SNX24: variants seen among roughly 807,000 people sequenced by gnomAD.
SNX24 encodes sorting nexin 24.
Under a neutral mutation model 28.7 loss-of-function variants are expected in SNX24, and 22 were observed. That is an observed-to-expected ratio of 0.77 (90% confidence interval 0.55 to 1.10). The LOEUF (loss-of-function observed/expected upper bound fraction) is 1.10, where lower values mean the gene tolerates loss of function less well. Ranked by LOEUF, SNX24 falls within the 50% of genes least tolerant of loss-of-function variation. The pLI is 0.00. For synonymous variants in SNX24, 69 were observed against 71.5 expected (o/e 0.96, Z 0.18); for missense variants, 221 against 201.1 (o/e 1.10, Z -0.60).
intron 3 of SNX24, among the ~76,000 whole-genome samples, chr5:122,973,922 A>C (rs1761058863): frequency 6.6e-6 from 1 of 152,182 alleles, no homozygotes. Flanking sequence ...CTGACACCTC[A>C]AGCACCATTG....
intron 3 of SNX24, among the ~76,000 whole-genome samples, chr5:122,947,033 A>T (rs1272077716): frequency 6.6e-6 from 1 of 152,186 alleles, no homozygotes; most frequent in Non-Finnish European, 1.5e-5. Flanking sequence ...GAAGCGACAC[A>T]TGAGAATGAT....
At chr5:122,951,283 GA>G (rs1286998894) in intron 3 of SNX24, among the ~76,000 whole-genome samples, 2 of 133,522 alleles carry the variant, frequency 1.5e-5, no homozygotes, top group African/African-American at 5.6e-5. Flanking sequence ...AAAAAAAAAA[GA>G]AAAAGAAAAG....
intron 1 of SNX24, among the ~76,000 whole-genome samples, chr5:122,880,565 T>C (rs1204459342): frequency 6.6e-6 from 1 of 152,202 alleles, no homozygotes; most frequent in East Asian, 1.9e-4. Context: ...GCAAAGTTGA[T>C]TGTTGCCTAT....
At chr5:122,965,158 A>G (rs1269701043) in intron 3 of SNX24, among the ~76,000 whole-genome samples, 6 of 152,228 alleles carry the variant, frequency 3.9e-5, no homozygotes, top group Non-Finnish European at 7.3e-5. Flanking sequence ...ATTCTTTCCA[A>G]TTACTTAGTT....
chr5:122,846,713 CAG>C (rs1308987655), intron 1 of SNX24, among the ~76,000 whole-genome samples: 2 of 152,102 alleles, frequency 1.3e-5, no homozygotes, highest in Non-Finnish European at 2.9e-5. Context: ...GAATGAAAAA[CAG>C]TGATTGAAAA....
Position 123,015,517 on chromosome 5 carries a change from C to T in SNX24, n.383+13513C>T, listed in dbSNP as rs143136614. Among the ~76,000 whole-genome samples the T allele has an allele frequency of 7.2e-4, 109 of 152,266 alleles. 1 individual carries two copies. The highest frequency in any genetic ancestry group is 2.4e-3 in the African/African-American group (101 of 41,528). On this transcript the variant is annotated intron_variant and non_coding_transcript_variant, in intron 5 of 5. Transcript: ENST00000502387. Reference sequence around the variant, plus strand: ...ATTCAGTGTTTATAAACCATAGCTTCGTGACACCCCAGGACAGTGGTTTTC... The same window carrying T: ...ATTCAGTGTTTATAAACCATAGCTTTGTGACACCCCAGGACAGTGGTTTTC...
intron 1 of SNX24, among the ~76,000 whole-genome samples, chr5:122,933,571 A>G (rs975117669): frequency 1.3e-5 from 2 of 151,820 alleles, no homozygotes; most frequent in Admixed American, 1.3e-4. Context: ...ACTTTCCTTC[A>G]TTTCCCGATG....
rs531583386 is a variant in SNX24 at position 122,963,134 on chromosome 5, T to C, written c.249+16975T>C. Among the ~76,000 whole-genome samples, 71 of 152,296 alleles carry C rather than the reference T, an allele frequency of 4.7e-4. No homozygotes were observed. The South Asian group carries it at 0.012, about 25-fold the overall frequency. ...CTGTAGTCCCAGCTACTCAGGAGGC[T>C]GAGGCAGGAGAATCGCTTGAACCTG... On this transcript the variant is annotated intron_variant, in intron 3 of 6. Transcript: ENST00000261369.
intron 1 of SNX24, among the ~76,000 whole-genome samples, chr5:122,855,404 T>G (rs531910945): frequency 3.9e-5 from 6 of 152,212 alleles, no homozygotes; most frequent in Non-Finnish European, 8.8e-5. Flanking sequence ...AAGTTTGCCC[T>G]ATCAGTTGAC....
At chr5:122,955,730 C>T (rs1760177116) in intron 3 of SNX24, among the ~76,000 whole-genome samples, 1 of 152,140 alleles carries the variant, frequency 6.6e-6, no homozygotes, top group African/African-American at 2.4e-5. Context: ...AGGAGTACCT[C>T]GTTACTGCCA....
chr5:122,958,861 A>G (rs1760337300), intron 3 of SNX24, among the ~76,000 whole-genome samples: 2 of 152,036 alleles, frequency 1.3e-5, no homozygotes, highest in Admixed American at 6.6e-5. Context: ...CACCTGGCCA[A>G]TATAGTCTTT....
At chr5:123,023,862 T>C (rs367741833) in intron 5 of SNX24, 10 of 1,606,846 alleles carry the variant, frequency 6.2e-6, no homozygotes, top group Non-Finnish European at 8.5e-6. Context: ...ATCCTTGTTT[T>C]CTGCCAGTTG....
At chr5:122,967,166 C>T (rs547154752) in intron 3 of SNX24, among the ~76,000 whole-genome samples, 59 of 152,266 alleles carry the variant, frequency 3.9e-4, no homozygotes, top group African/African-American at 1.4e-3. Flanking sequence ...ATAAAATAAA[C>T]GTCTTTTAAG....
At chr5:122,903,099 G>C (rs560196182) in intron 1 of SNX24, among the ~76,000 whole-genome samples, 31 of 151,878 alleles carry the variant, frequency 2.0e-4, no homozygotes, top group African/African-American at 7.0e-4. Context: ...ACTCTCCTTT[G>C]TACGTTTTTT....
chr5:122,864,553 A>G (rs1755634389), intron 1 of SNX24, among the ~76,000 whole-genome samples: 1 of 152,198 alleles, frequency 6.6e-6, no homozygotes, highest in Admixed American at 6.5e-5. Context: ...TTTAAGGACA[A>G]TTTAGTGGGT....
At chr5:123,025,718 T>C (rs1354940870) in intron 5 of SNX24, 1 of 1,494,478 alleles carries the variant, frequency 6.7e-7, no homozygotes, top group Non-Finnish European at 9.2e-7. Context: ...AAGATTAAAA[T>C]AAATCACTGA....
rs369361766 is a variant in SNX24, at chr5:122,973,798, C to G, written c.250-26114C>G. Among the ~76,000 whole-genome samples, 84 of 152,326 alleles carry G rather than the reference C, an allele frequency of 5.5e-4. No individual in the cohort carries two copies. The Middle Eastern group carries it at 0.017, about 31-fold the overall frequency. ...AGCCAAGTAACAGGCCAAGAGCTGT[C>G]TCTCAAAAGGAGAGTAGTTATCTGC... On this transcript the variant is annotated intron_variant, in intron 3 of 6. Coordinates refer to ENST00000261369, the MANE Select transcript of SNX24 (RefSeq NM_014035.4).
chr5:122,848,757 A>G (rs1239864016), intron 1 of SNX24, among the ~76,000 whole-genome samples: 1 of 152,086 alleles, frequency 6.6e-6, no homozygotes, highest in Admixed American at 6.6e-5. Flanking sequence ...TCACATTCTA[A>G]CAAATTCAGT....
intron 1 of SNX24, among the ~76,000 whole-genome samples, chr5:122,902,609 G>T (rs1044466907): frequency 9.9e-5 from 15 of 152,132 alleles, no homozygotes; most frequent in African/African-American, 2.9e-4. Flanking sequence ...GGGGATGGGG[G>T]CTCAGATGTT....
Sources: allele counts gnomAD v4.1 joint callset (sites outside exome capture counted in the v4.1 genomes callset), GRCh38; gene constraint gnomAD v4.1.1; transcripts MANE v1.5; gene names NCBI Gene and HGNC (gene_info 2026-07-23, HGNC 2026-07-21).